The following KLF12 variants were observed in gnomAD, a reference collection of about 807,000 sequenced individuals.
KLF12 encodes the protein Krueppel-like factor 12.
KLF12 carries 9 observed loss-of-function variants against 37.8 expected under a neutral mutation model. The observed-to-expected ratio is 0.24, with a 90% CI of 0.14 to 0.42. The LOEUF (loss-of-function observed/expected upper bound fraction) is 0.42. Ranked by LOEUF, KLF12 falls within the 10% of genes least tolerant of loss-of-function variation. The pLI is 1.00. For missense variants in KLF12, 411 were observed against 516.0 expected (o/e 0.80, Z 1.97); for synonymous variants, 208 against 202.1 (o/e 1.03, Z -0.25).
In KLF12 at chr13:74,098,911, C is replaced by T. The variant is rs149591102; in HGVS notation, c.-32+34828G>A. ...GGAACACAGTATTTTCAAATGCTTC[C>T]CACGCTAGTATGTTACATGTCATGG... On this transcript the variant is annotated intron_variant, in intron 1 of 7. Coordinates refer to ENST00000377669, the MANE Select transcript of KLF12 (RefSeq NM_007249.5). 2.8e-3 allele frequency among the ~76,000 whole-genome samples: 433 copies of T among 152,124 alleles called. 4 individuals carry two copies. Among genetic ancestry groups the T allele is most frequent in the Middle Eastern group, 0.014 (4 of 292 alleles).
intron 3 of KLF12, among the ~76,000 whole-genome samples, chr13:73,873,054 T>C (rs1886545762): frequency 6.6e-6 from 1 of 152,158 alleles, no homozygotes; most frequent in African/African-American, 2.4e-5. Context: ...CTTTCTCGGT[T>C]ACATCATTTG....
At chr13:74,207,121 G>T in the KLF12 span, among the ~76,000 whole-genome samples, 1 of 152,180 alleles carries the variant, frequency 6.6e-6, no homozygotes, top group Non-Finnish European at 1.5e-5. Flanking sequence ...AGTACAAGAA[G>T]AGGCTGAACC....
At chr13:74,025,100 C>A (rs927711457) in intron 1 of KLF12, among the ~76,000 whole-genome samples, 2 of 152,158 alleles carry the variant, frequency 1.3e-5, no homozygotes, top group African/African-American at 2.4e-5. Flanking sequence ...AAAGCAAACT[C>A]CTTTGGAAAT....
chr13:73,805,980 T>C (rs1015906445), intron 5 of KLF12, among the ~76,000 whole-genome samples: 1 of 144,488 alleles, frequency 6.9e-6, no homozygotes, highest in Non-Finnish European at 1.5e-5. Context: ...AATTTTCATA[T>C]TTTTGTAGAG....
At chr13:73,934,950 A>ATAATTTATTTAT (rs1889857509) in intron 3 of KLF12, among the ~76,000 whole-genome samples, 1 of 139,588 alleles carries the variant, frequency 7.2e-6, no homozygotes, top group African/African-American at 2.7e-5. Flanking sequence ...ATAGGTTTTT[A>ATAATTTATTTAT]TTATTTATTT....
chr13:73,820,248 T>G (rs1019735039), intron 4 of KLF12, among the ~76,000 whole-genome samples: 3 of 152,202 alleles, frequency 2.0e-5, no homozygotes, highest in African/African-American at 2.4e-5. Context: ...TTTTTTCTCC[T>G]TGGTCACCTC....
intron 1 of KLF12, among the ~76,000 whole-genome samples, chr13:74,069,787 C>A (rs576404900): frequency 6.6e-6 from 1 of 151,904 alleles, no homozygotes; most frequent in East Asian, 1.9e-4. Context: ...ACTCATGAGA[C>A]GTGAAAAGAG....
At chr13:74,205,582 G>A in the KLF12 span, among the ~76,000 whole-genome samples, 12 of 152,156 alleles carry the variant, frequency 7.9e-5, no homozygotes, top group East Asian at 1.9e-4. Flanking sequence ...GTATGGACAC[G>A]TAAAGCTTTG....
the KLF12 span, among the ~76,000 whole-genome samples, chr13:74,200,602 C>T: frequency 2.0e-5 from 3 of 151,928 alleles, no homozygotes; most frequent in African/African-American, 4.8e-5. Context: ...CAAGATCTTC[C>T]GATTGCCCAA....
intron 5 of KLF12, among the ~76,000 whole-genome samples, chr13:73,792,906 T>C (rs547223669): frequency 6.6e-6 from 1 of 152,346 alleles, no homozygotes; most frequent in Non-Finnish European, 1.5e-5. Context: ...ATTCACTTAT[T>C]ATACAAGTGA....
chr13:73,722,486 ACATTTACTAC>A (rs1345467973), intron 6 of KLF12, among the ~76,000 whole-genome samples: 2 of 152,214 alleles, frequency 1.3e-5, no homozygotes, highest in African/African-American at 4.8e-5. Context: ...GTGTTTAGAT[ACATTTACTAC>A]CAAATCCCCA....
At chr13:74,052,983 T>C (rs1393770083) in intron 1 of KLF12, among the ~76,000 whole-genome samples, 2 of 152,316 alleles carry the variant, frequency 1.3e-5, no homozygotes, top group East Asian at 1.9e-4. Context: ...ACCACCGTCA[T>C]ACAAGAAGTC....
At chr13:74,264,563 C>G in the KLF12 span, among the ~76,000 whole-genome samples, 1 of 152,112 alleles carries the variant, frequency 6.6e-6, no homozygotes, top group Non-Finnish European at 1.5e-5. Context: ...TTTAAGCTTC[C>G]TTAGCCAGTT....
intron 1 of KLF12, among the ~76,000 whole-genome samples, chr13:74,006,024 C>T (rs1253360540): frequency 6.6e-6 from 1 of 152,198 alleles, no homozygotes. Flanking sequence ...GAAGTCATCT[C>T]TCCTGCCTTA....
At chr13:73,953,877 A>G (rs1039283027) in intron 2 of KLF12, among the ~76,000 whole-genome samples, 1 of 152,220 alleles carries the variant, frequency 6.6e-6, no homozygotes, top group African/African-American at 2.4e-5. Context: ...AAAACAAGAA[A>G]GAGCAAGCAA....
chr13:73,715,426 T>C lies in KLF12; in HGVS notation c.969A>G (p.Gly323=). 2 of 1,614,106 alleles carry C rather than the reference T, an allele frequency of 1.2e-6. No homozygotes were observed. Among genetic ancestry groups the C allele is most frequent in the Non-Finnish European group, 1.7e-6 (2 of 1,179,972 alleles). ...AACTTTTTGTGTACACTTTGTTGCA[T>C]CCCTCAAAATCACATCTGTGGATAC... The change falls in exon 7 of 8, where the codon GGA becomes GGG. Residue 323 remains glycine (G), a synonymous_variant. Coordinates refer to ENST00000377669, the MANE Select transcript of KLF12 (RefSeq NM_007249.5).
At chr13:73,982,568 T>C (rs759423701) in intron 2 of KLF12, among the ~76,000 whole-genome samples, 1 of 152,258 alleles carries the variant, frequency 6.6e-6, no homozygotes, top group Non-Finnish European at 1.5e-5. Context: ...GAAATCTTGT[T>C]GCTAGATGCC....
In KLF12 at chr13:73,938,634, A is replaced by G. The variant is rs116173118; in HGVS notation, c.123+5347T>C. Among the ~76,000 whole-genome samples the G allele has an allele frequency of 8.4e-3, 1,285 of 152,348 alleles. 27 individuals carry two copies. The highest frequency in any genetic ancestry group is 0.028 in the African/African-American group (1,178 of 41,576). ...GCTCTGCTCTTAAGGAAGTTACATT[A>G]CAGCTGACTTCATGATGCTAGTCAG... On this transcript the variant is annotated intron_variant, in intron 3 of 7. Transcript: ENST00000377669.
chr13:74,097,219 G>C (rs1211711047), intron 1 of KLF12, among the ~76,000 whole-genome samples: 2 of 152,160 alleles, frequency 1.3e-5, no homozygotes, highest in Admixed American at 6.5e-5. Flanking sequence ...CAGTGTATAA[G>C]GTTTCTTTTT....
Sources: gnomAD v4.1 joint callset for allele counts (sites outside exome capture counted in the v4.1 genomes callset) on GRCh38, gnomAD v4.1.1 for gene constraint, MANE v1.5 for transcripts, NCBI Gene and HGNC (gene_info 2026-07-23, HGNC 2026-07-21) for gene names.